GPHN: variants seen among roughly 807,000 people sequenced by gnomAD.
GPHN encodes gephyrin.
Under a neutral mutation model 95.5 loss-of-function variants are expected in GPHN, and 17 were observed. The observed-to-expected ratio is 0.18, with a 90% confidence interval of 0.12 to 0.27. The LOEUF is 0.27. Ranked by LOEUF, GPHN falls within the 10% of genes least tolerant of loss-of-function variation. The pLI, the probability that GPHN is intolerant of heterozygous loss-of-function variation, is 1.00. For synonymous variants in GPHN, 320 were observed against 322.5 expected, an observed-to-expected ratio of 0.99 and a Z score of 0.08; for missense variants, 660 against 978.1, an observed-to-expected ratio of 0.67 and a Z score of 4.34.
At position 66,527,460 on chromosome 14, in the gene GPHN, A is replaced by G. The variant is rs189709776; in HGVS notation, c.64+18869A>G. Among the ~76,000 whole-genome samples, 433 of 146,668 alleles carry G rather than the reference A, an allele frequency of 3.0e-3. 1 individual carries two copies. Among genetic ancestry groups the G allele is most frequent in the Non-Finnish European group, 4.9e-3 (331 of 66,894 alleles). On this transcript the variant is annotated intron_variant, in intron 1 of 22. Coordinates refer to ENST00000478722, the MANE Select transcript of GPHN (RefSeq NM_020806.5). ...TTTTTGAGGAGATTTTCATGTCTGT[A>G]TCTCCTTCAGTTCTGCGCTGACCTT... is the stretch of plus-strand genomic sequence containing the variant.
chr14:66,672,080 A>G (rs1424019184), intron 1 of GPHN, among the ~76,000 whole-genome samples: 1 of 152,056 alleles, frequency 6.6e-6, no homozygotes, highest in African/African-American at 2.4e-5. Flanking sequence ...TATGCATTCA[A>G]TGTTATAAAT....
chr14:67,101,728 A>G (rs1418847653), intron 13 of GPHN, among the ~76,000 whole-genome samples: 1 of 151,590 alleles, frequency 6.6e-6, no homozygotes, highest in African/African-American at 2.4e-5. Flanking sequence ...ACACTCTTTT[A>G]GTTTCCTCAC....
At chr14:67,619,101 C>T in the GPHN span, among the ~76,000 whole-genome samples, 150 of 152,208 alleles carry the variant, frequency 9.9e-4, 2 homozygotes, top group East Asian at 0.026. Context: ...ATCTTTTCTT[C>T]GCTTTAAAAA....
chr14:67,727,113 A>G, the GPHN span: 11 of 1,614,222 alleles, frequency 6.8e-6, no homozygotes, highest in Non-Finnish European at 8.5e-6. Flanking sequence ...GAGAAGCGCT[A>G]CAGCAGGGGT....
chr14:67,285,431 A>G, the GPHN span, among the ~76,000 whole-genome samples: 2 of 146,424 alleles, frequency 1.4e-5, no homozygotes, highest in Admixed American at 7.0e-5. Context: ...CAGTGGCGCG[A>G]TCTCGGCTCA....
At chr14:67,066,071 G>C (rs1390772560) in intron 11 of GPHN, among the ~76,000 whole-genome samples, 3 of 152,112 alleles carry the variant, frequency 2.0e-5, no homozygotes, top group African/African-American at 7.2e-5. Context: ...GCAGTGGCTG[G>C]TACCAGTTGT....
intron 2 of GPHN, among the ~76,000 whole-genome samples, chr14:66,713,007 T>A (rs1265844431): frequency 6.6e-6 from 1 of 152,168 alleles, no homozygotes; most frequent in Non-Finnish European, 1.5e-5. Flanking sequence ...ATTTTCTATT[T>A]TTTGCTAATT....
chr14:67,075,425 T>C (rs2076459146), intron 11 of GPHN, among the ~76,000 whole-genome samples: 2 of 152,196 alleles, frequency 1.3e-5, no homozygotes, highest in African/African-American at 4.8e-5. Context: ...TTTTCATGCA[T>C]GCTAATACAA....
At chr14:66,522,022 A>G (rs1341808087) in intron 1 of GPHN, among the ~76,000 whole-genome samples, 2 of 152,040 alleles carry the variant, frequency 1.3e-5, no homozygotes, top group Non-Finnish European at 2.9e-5. Context: ...CTGCCATGAA[A>G]ATGCTCCTCT....
chr14:67,428,654 C>T, the GPHN span, among the ~76,000 whole-genome samples: 84 of 152,392 alleles, frequency 5.5e-4, no homozygotes, highest in African/African-American at 1.9e-3. Flanking sequence ...GCGGGTGAAA[C>T]TGCATTGTCA....
chr14:67,420,728 C>A, the GPHN span, among the ~76,000 whole-genome samples: 1 of 152,240 alleles, frequency 6.6e-6, no homozygotes, highest in Non-Finnish European at 1.5e-5. Context: ...CTGTGGGGCA[C>A]CCACCCACAC....
intron 1 of GPHN, among the ~76,000 whole-genome samples, chr14:66,546,366 G>C (rs2059595584): frequency 6.6e-6 from 1 of 150,716 alleles, no homozygotes; most frequent in South Asian, 2.1e-4. Context: ...TCCCAGACGG[G>C]GTGGCGGCCG....
At chr14:67,113,717 A>C (rs1017908712) in intron 16 of GPHN, among the ~76,000 whole-genome samples, 2 of 152,182 alleles carry the variant, frequency 1.3e-5, no homozygotes, top group African/African-American at 4.8e-5. Flanking sequence ...TGATATTTAG[A>C]ATGGGTCAAA....
rs999284717 is a variant in GPHN at position 67,127,252 on chromosome 14, A to AT, written c.1748+4876dup. Among the ~76,000 whole-genome samples the AT allele has an allele frequency of 8.1e-5, 11 of 135,132 alleles. No individual in the cohort carries two copies. In the East Asian group the frequency reaches 2.5e-3, roughly 31 times the overall value. The allele number at this position is 135,132 out of a possible 152,430, so 88.7% of individuals were successfully genotyped here. A position where few individuals can be genotyped will look rare whatever the true frequency, so the allele number is the denominator to read the frequency against. On this transcript the variant is annotated intron_variant, in intron 17 of 22. Coordinates refer to ENST00000478722, the MANE Select transcript of GPHN (RefSeq NM_020806.5). ...CATGTACCCTAAAACTTAAAGTATA[A>AT]TAAAAAAAAAAAAATGGCTTTGCAA... is the stretch of plus-strand genomic sequence containing the variant.
At chr14:67,524,279 C>A in the GPHN span, among the ~76,000 whole-genome samples, 2 of 152,110 alleles carry the variant, frequency 1.3e-5, no homozygotes, top group Admixed American at 1.3e-4. Context: ...CATCCAAACT[C>A]ATGTTCTAGG....
At chr14:67,253,769 A>T in the GPHN span, among the ~76,000 whole-genome samples, 4 of 152,066 alleles carry the variant, frequency 2.6e-5, no homozygotes, top group South Asian at 8.3e-4. Flanking sequence ...TAAGCCCAGA[A>T]AGTCAAGGCT....
At chr14:67,323,210 T>TAC in the GPHN span, among the ~76,000 whole-genome samples, 5 of 140,428 alleles carry the variant, frequency 3.6e-5, no homozygotes, top group Admixed American at 1.5e-4. Context: ...TGTATATATA[T>TAC]ACATATATAC....
At chr14:67,498,427 A>G in the GPHN span, among the ~76,000 whole-genome samples, 2 of 152,204 alleles carry the variant, frequency 1.3e-5, no homozygotes, top group Non-Finnish European at 2.9e-5. Flanking sequence ...TGACCCCTAC[A>G]GTATTATAAC....
chr14:67,236,515 C>T, the GPHN span, among the ~76,000 whole-genome samples: 7 of 152,328 alleles, frequency 4.6e-5, no homozygotes, highest in South Asian at 1.5e-3. Context: ...GTGCCTATAG[C>T]ACAATGCTTA....
Sources: allele counts gnomAD v4.1 joint callset (sites outside exome capture counted in the v4.1 genomes callset), GRCh38; gene constraint gnomAD v4.1.1; transcripts MANE v1.5; gene names NCBI Gene and HGNC (gene_info 2026-07-23, HGNC 2026-07-21).